Variants in TSHZ3 observed in about 807,000 individuals in gnomAD.
TSHZ3 encodes teashirt homolog 3.
In TSHZ3, 10 loss-of-function variants were observed where a neutral mutation model predicts 64.5. That is an observed-to-expected ratio of 0.16 (90% CI 0.10 to 0.26). TSHZ3 has a LOEUF of 0.26. Ranked by LOEUF, TSHZ3 falls within the 10% of genes least tolerant of loss-of-function variation. The pLI is 1.00. For synonymous variants in TSHZ3, 608 were observed against 593.1 expected (o/e 1.03, Z -0.36); for missense variants, 1,242 against 1,421.7 (o/e 0.87, Z 2.03).
intron 1 of TSHZ3, among the ~76,000 whole-genome samples, chr19:31,304,093 G>T (rs182424454): frequency 6.6e-6 from 1 of 152,106 alleles, no homozygotes; most frequent in East Asian, 1.9e-4. Context: ...TTTTGCCTCA[G>T]CCTCCTGAGT....
intron 1 of TSHZ3, among the ~76,000 whole-genome samples, chr19:31,284,208 T>TG (rs1599624728): frequency 6.6e-6 from 1 of 151,850 alleles, no homozygotes; most frequent in Non-Finnish European, 1.5e-5. Flanking sequence ...AGTAGGTGAG[T>TG]GGGGGGTCAT....
In TSHZ3 at chr19:31,311,191, T is replaced by C. The variant is rs368681180; in HGVS notation, c.41-31439A>G. Among the ~76,000 whole-genome samples, 6 of 152,318 alleles carry C rather than the reference T, an allele frequency of 3.9e-5. No homozygotes were observed. In the South Asian group the frequency reaches 6.2e-4, roughly 16 times the overall value. Reference sequence around the variant, plus strand: ...CACTGCCCTGTTTTAGATACTCTTATAAAAAGCAGATAAACTTCAAGCAAG... The same window carrying C: ...CACTGCCCTGTTTTAGATACTCTTACAAAAAGCAGATAAACTTCAAGCAAG... On this transcript the variant is annotated intron_variant, in intron 1 of 1. Transcript: ENST00000240587.
chr19:31,309,777 G>A (rs1916403749), intron 1 of TSHZ3, among the ~76,000 whole-genome samples: 1 of 152,164 alleles, frequency 6.6e-6, no homozygotes, highest in South Asian at 2.1e-4. Context: ...TCCACTTTCA[G>A]GAAGCTGTCG....
rs768612822 is a variant in TSHZ3 at position 31,279,382 on chromosome 19, G to A, written c.411C>T (p.Asn137=). 1.9e-6 allele frequency: 3 copies of A among 1,614,096 alleles called. No individual in the cohort carries two copies. Among genetic ancestry groups the A allele is most frequent in the African/African-American group, 1.3e-5 (1 of 74,936 alleles). The part of the protein sequence containing the change: ...SNSYWSNLNL[N]LHQPSSEKNN... ...TCTTCTCCGAGGAGGGCTGGTGCAG[G>A]TTGAGGTTGAGGTTGGACCAGTAGG... Residue 137 remains asparagine, a synonymous_variant, in exon 2 of 2, where the codon AAC becomes AAT. Coordinates refer to ENST00000240587, the MANE Select transcript of TSHZ3 (RefSeq NM_020856.4). This position sits in a 1 kb window ranked among gnomAD's most constrained non-coding sequence, Gnocchi z 6.4.
At chr19:31,175,092 A>G (rs1599560793) in intron 5 of TSHZ3, among the ~76,000 whole-genome samples, 4 of 152,294 alleles carry the variant, frequency 2.6e-5, no homozygotes, top group Admixed American at 2.6e-4. Flanking sequence ...CAGCCCTGGA[A>G]GGCCATTTGT....
Position 31,276,802 on chromosome 19 carries a change from T to C in TSHZ3, c.2991A>G (p.Ser997=). 5.0e-6 allele frequency: 8 copies of C among 1,614,250 alleles called. No individual in the cohort carries two copies. The highest frequency in any genetic ancestry group is 6.8e-6 in the Non-Finnish European group (8 of 1,180,048). ...TPSTYISHLE[S]HLGFRLRDLS... is the part of the protein sequence containing the mutation. ...AGTCCCGTAGCCGGAAGCCTAAGTGTGACTCTAGGTGACTGATGTACGTGG... is the reference window on the plus strand; with the variant it reads ...AGTCCCGTAGCCGGAAGCCTAAGTGCGACTCTAGGTGACTGATGTACGTGG... Residue 997 remains serine, a synonymous_variant, in exon 2 of 2, where the codon TCA becomes TCG. Transcript: ENST00000240587.
At chr19:31,203,688 C>T (rs1241579271) in intron 5 of TSHZ3, among the ~76,000 whole-genome samples, 1 of 152,094 alleles carries the variant, frequency 6.6e-6, no homozygotes, top group Non-Finnish European at 1.5e-5. Context: ...GGTGCTCACT[C>T]CTGAGCACAC....
At chr19:31,281,804 A>G (rs1487364550) in intron 1 of TSHZ3, among the ~76,000 whole-genome samples, 1 of 152,240 alleles carries the variant, frequency 6.6e-6, no homozygotes, top group African/African-American at 2.4e-5. Flanking sequence ...CTTCCTCGGC[A>G]TGCAGCACAT....
intron 1 of TSHZ3, among the ~76,000 whole-genome samples, chr19:31,301,069 A>G (rs1976748022): frequency 6.6e-6 from 1 of 152,160 alleles, no homozygotes; most frequent in South Asian, 2.1e-4. Context: ...AATATTTTTC[A>G]TTACCATTAG....
chr19:31,335,734 G>A (rs568783133), intron 1 of TSHZ3, among the ~76,000 whole-genome samples: 2 of 152,344 alleles, frequency 1.3e-5, no homozygotes, highest in East Asian at 3.9e-4. Flanking sequence ...ACCTCTGTGA[G>A]GGTACCAGCA....
intron 1 of TSHZ3, among the ~76,000 whole-genome samples, chr19:31,333,575 A>C (rs1218047047): frequency 6.6e-6 from 1 of 151,794 alleles, no homozygotes; most frequent in East Asian, 2.0e-4. Context: ...TTTATAAACC[A>C]CCAAAGAAGC....
At chr19:31,293,670 T>C (rs1198531416) in intron 1 of TSHZ3, among the ~76,000 whole-genome samples, 1 of 152,220 alleles carries the variant, frequency 6.6e-6, no homozygotes, top group East Asian at 1.9e-4. Flanking sequence ...TACAGAAATA[T>C]AAGAAATTAT....
intron 1 of TSHZ3, among the ~76,000 whole-genome samples, chr19:31,333,434 T>C (rs2145185559): frequency 6.6e-6 from 1 of 152,096 alleles, no homozygotes; most frequent in African/African-American, 2.4e-5. Context: ...ACCAGACCCA[T>C]CTCAGCAAGG....
In TSHZ3 at chr19:31,279,499, C is replaced by T. The variant is rs867751463; in HGVS notation, c.294G>A (p.Glu98=). ...FESGSIKNEE[E]TKEVTVPLED... ...CCAGTGGGACCGTGACCTCCTTGGT[C>T]TCCTCTTCGTTCTTGATGGAGCCGC... Residue 98 remains glutamate, a synonymous_variant, in exon 2 of 2, where the codon GAG becomes GAA. Transcript: ENST00000240587. This position sits in a 1 kb window ranked among gnomAD's most constrained non-coding sequence, Gnocchi z 6.4. 6.2e-7 allele frequency: 1 copy of T among 1,613,998 alleles called. No homozygotes were observed.
At chr19:31,247,433 C>A (rs1975770911) in intron 1 of TSHZ3, among the ~76,000 whole-genome samples, 1 of 152,082 alleles carries the variant, frequency 6.6e-6, no homozygotes, top group South Asian at 2.1e-4. Flanking sequence ...ATGAGTAATG[C>A]AAACCTAATC....
intron 1 of TSHZ3, among the ~76,000 whole-genome samples, chr19:31,318,369 G>A (rs1473934141): frequency 1.3e-5 from 2 of 151,852 alleles, no homozygotes; most frequent in African/African-American, 2.4e-5. Flanking sequence ...ATTCATTCTC[G>A]GTTTCTTTTC....
intron 5 of TSHZ3, among the ~76,000 whole-genome samples, chr19:31,163,870 G>C (rs1353409193): frequency 6.6e-6 from 1 of 152,136 alleles, no homozygotes; most frequent in African/African-American, 2.4e-5. Flanking sequence ...TATACTGGGG[G>C]CTTACCCTGC....
At position 31,161,413 on chromosome 19, in the gene TSHZ3, T is replaced by C. The variant is rs370064539; in HGVS notation, n.810-4996A>G. On this transcript the variant is annotated intron_variant and non_coding_transcript_variant, in intron 5 of 6. Transcript: ENST00000651361. ...AATTGAGATTTTAAACAGAAGTACA[T>C]GCATAGATATAATTTGGAATGCCCT... 7.0e-4 allele frequency among the ~76,000 whole-genome samples: 107 copies of C among 152,322 alleles called. No homozygotes were observed. In the South Asian group the frequency reaches 0.021, roughly 30 times the overall value.
intron 1 of TSHZ3, among the ~76,000 whole-genome samples, chr19:31,256,015 T>C (rs575165823): frequency 1.3e-5 from 2 of 152,148 alleles, no homozygotes; most frequent in Non-Finnish European, 2.9e-5. Flanking sequence ...GGGGATGCAG[T>C]AGGAGAGCGC....
Sources: allele counts gnomAD v4.1 joint callset (sites outside exome capture counted in the v4.1 genomes callset), GRCh38; gene constraint gnomAD v4.1.1; non-coding constraint Gnocchi (gnomAD v3.1); transcripts MANE v1.5; gene names NCBI Gene and HGNC (gene_info 2026-07-23, HGNC 2026-07-21).